Variants in OTUD1 observed in about 807,000 individuals in gnomAD.
OTUD1 encodes the protein OTU deubiquitinase 1.
A neutral mutation model predicts 30.0 loss-of-function variants in OTUD1; 15 were observed. The observed-to-expected ratio is 0.50, with a 90% CI of 0.33 to 0.77. The LOEUF (loss-of-function observed/expected upper bound fraction) is 0.77. Ranked by LOEUF, OTUD1 falls within the 30% of genes least tolerant of loss-of-function variation. OTUD1 has a pLI of 0.02. For missense variants in OTUD1, 796 were observed against 697.8 expected, an observed-to-expected ratio of 1.14 and a Z score of -1.59; for synonymous variants, 381 against 326.3, an observed-to-expected ratio of 1.17 and a Z score of -1.81.
chr10:23,440,723 T>A lies in OTUD1; in HGVS notation c.1266T>A (p.Ile422=). 6.4e-7 allele frequency: 1 copy of A among 1,552,010 alleles called. No homozygotes were observed. The highest frequency in any genetic ancestry group is 8.7e-7 in the Non-Finnish European group (1 of 1,147,070). Residue 422 remains isoleucine, a synonymous_variant, in exon 1 of 1, where the codon ATT becomes ATA. Coordinates refer to ENST00000376495, the MANE Select transcript of OTUD1 (RefSeq NM_001145373.3). ...CAGAGGATTCCCTGAGGCCTAGTAT[T>A]TGGCTCAGTTGGCTCAGTAACGGAC... ...LGPEDSLRPS[I]WLSWLSNGHY...
rs1847118919 is a variant in OTUD1, at chr10:23,440,769, C to T, written c.1312C>T (p.His438Tyr). 1 of 1,552,044 alleles carries T rather than the reference C, an allele frequency of 6.4e-7. No homozygotes were observed. Among genetic ancestry groups the T allele is most frequent in the African/African-American group, 1.4e-5 (1 of 73,052 alleles). ...SNGHYDAVFD[H>Y]SYPNPEYDNW... ...CGGACACTATGATGCTGTATTTGAT[C>T]ACTCCTATCCTAACCCAGAGTACGA... The change falls in exon 1 of 1, where the codon CAC (histidine) becomes TAC (tyrosine). Residue 438 changes from histidine to tyrosine, a missense_variant. Transcript: ENST00000376495.
rs1046671394 is a variant in OTUD1, at chr10:23,440,491, A to C, written c.1034A>C (p.His345Pro). The change falls in exon 1 of 1, where the codon CAC becomes CCC. Residue 345 changes from histidine to proline, a missense_variant. Physicochemically the swap from His to Pro is moderately conservative, Grantham distance 77. Coordinates refer to ENST00000376495, the MANE Select transcript of OTUD1 (RefSeq NM_001145373.3). ...LHRELREQTV[H>P]YIADHLDHFS... ...CGGGAGTTGAGGGAGCAGACGGTGC[A>C]CTACATCGCCGACCATCTCGACCAC... is the stretch of plus-strand genomic sequence containing the variant. The C allele has an allele frequency of 1.9e-6, 3 of 1,551,600 alleles. No homozygotes were observed. Among genetic ancestry groups the C allele is most frequent in the Admixed American group, 3.9e-5 (2 of 50,990 alleles).
At position 23,440,289 on chromosome 10, in the gene OTUD1, G is replaced by A. The variant is rs1221680271; in HGVS notation, c.832G>A (p.Val278Met). The A allele has an allele frequency of 1.5e-5, 23 of 1,550,344 alleles. No individual in the cohort carries two copies. Among genetic ancestry groups the A allele is most frequent in the Admixed American group, 3.9e-5 (2 of 51,008 alleles). The change falls in exon 1 of 1, where the codon GTG becomes ATG. Residue 278 changes from valine to methionine, a missense_variant. By Grantham distance (21) the Val-to-Met change is conservative. Transcript: ENST00000376495. ...EAAPSSAAEP[V>M]IVSRSDPRDE... ...CGCCCCGAGTAGTGCGGCGGAGCCG[G>A]TGATCGTCTCCAGGTCGGATCCCAG...
Position 23,440,975 on chromosome 10 carries a change from A to C in OTUD1, c.*72A>C. ...GTGTTTGGAGAATCACATGAACTTT[A>C]ATCAGGGTAATAGCACTTTCAAACT... On this transcript the variant is annotated 3_prime_UTR_variant, in exon 1 of 1. Transcript: ENST00000376495. 7.0e-7 allele frequency: 1 copy of C among 1,438,106 alleles called. No individual in the cohort carries two copies. Among genetic ancestry groups the C allele is most frequent in the African/African-American group, 1.4e-5 (1 of 70,166 alleles). 89.1% of individuals were successfully genotyped at this position (1,438,106 alleles called of 1,614,324 possible).
rs1031901622 is a variant in OTUD1 at position 23,439,387 on chromosome 10, C to A, written c.-71C>A. On this transcript the variant is annotated 5_prime_UTR_variant, in exon 1 of 1. Coordinates refer to ENST00000376495, the MANE Select transcript of OTUD1 (RefSeq NM_001145373.3). ...ACCGCGCTCCGCCGGCCCCCTCCCC[C>A]GGGCCCGGAGGGTGTGTCCCCCGCT... is the stretch of plus-strand genomic sequence containing the variant. The A allele has an allele frequency of 1.4e-5, 17 of 1,201,666 alleles. No homozygotes were observed. In the East Asian group the frequency reaches 6.0e-4, roughly 42 times the overall value. 74.4% of individuals were successfully genotyped at this position (1,201,666 alleles called of 1,614,324 possible).
rs1229868417 is a variant in OTUD1 at position 23,440,225 on chromosome 10, C to T, written c.768C>T (p.Asp256=). ...APGGDAARRP[D]PEAEAPPAGS... is the part of the protein sequence containing the mutation. ...GTGGGGACGCGGCGCGGAGGCCCGA[C>T]CCAGAGGCCGAGGCACCCCCCGCCG... Residue 256 remains aspartate (D), a synonymous_variant, in exon 1 of 1, where the codon GAC becomes GAT. Coordinates refer to ENST00000376495, the MANE Select transcript of OTUD1 (RefSeq NM_001145373.3). The T allele has an allele frequency of 2.0e-6, 3 of 1,531,960 alleles. No individual in the cohort carries two copies. The Admixed American group carries it at 6.0e-5, about 31-fold the overall frequency. 94.9% of individuals were successfully genotyped at this position (1,531,960 alleles called of 1,614,324 possible).
rs1847109290 is a variant in OTUD1 at position 23,439,983 on chromosome 10, T to A, written c.526T>A (p.Cys176Ser). The change falls in exon 1 of 1, where the codon TGC (cysteine) becomes AGC (serine). Residue 176 changes from cysteine (C) to serine (S), a missense_variant. Transcript: ENST00000376495. ...WLLEELLRPD[C>S]PEPAGLDATR... ...CCTGGAGGAGCTGCTGCGGCCCGACTGCCCCGAGCCCGCGGGCTTGGACGC... is the reference window on the plus strand; with the variant it reads ...CCTGGAGGAGCTGCTGCGGCCCGACAGCCCCGAGCCCGCGGGCTTGGACGC... 1.5e-6 allele frequency: 2 copies of A among 1,329,290 alleles called. No homozygotes were observed. Among genetic ancestry groups the A allele is most frequent in the Non-Finnish European group, 1.9e-6 (2 of 1,044,932 alleles). The allele number at this position is 1,329,290 out of a possible 1,614,324, so 82.3% of individuals were successfully genotyped here.
chr10:23,440,579 A>T lies in OTUD1; in HGVS notation c.1122A>T (p.Ala374=), dbSNP rs148315007. The T allele has an allele frequency of 2.5e-3, 3,848 of 1,551,678 alleles. 54 individuals are homozygous for T. The African/African-American group carries it at 0.035, about 14-fold the overall frequency. Residue 374 remains alanine (A), a synonymous_variant, in exon 1 of 1, where the codon GCA becomes GCT. Transcript: ENST00000376495. ...TCATCGCTGCTGCCCAAGACGGGGC[A>T]TGGGCCGGGTACCCGGAGTTGCTGG... ...EFIIAAAQDG[A]WAGYPELLAM... is the part of the protein sequence containing the mutation.
At position 23,440,956 on chromosome 10, in the gene OTUD1, G is replaced by A. The variant is rs554164665; in HGVS notation, c.*53G>A. ...ATAATTGCATATATAACTTGTGTTT[G>A]GAGAATCACATGAACTTTAATCAGG... On this transcript the variant is annotated 3_prime_UTR_variant, in exon 1 of 1. Transcript: ENST00000376495. The A allele has an allele frequency of 2.1e-5, 32 of 1,490,934 alleles. No individual in the cohort carries two copies. The South Asian group carries it at 3.8e-4, about 18-fold the overall frequency. 92.4% of individuals were successfully genotyped at this position (1,490,934 alleles called of 1,614,324 possible).
In OTUD1 at chr10:23,440,250, G is replaced by A. The variant is rs759980547; in HGVS notation, c.793G>A (p.Gly265Arg). Residue 265 changes from glycine to arginine, a missense_variant, in exon 1 of 1, where the codon GGG (glycine) becomes AGG (arginine). By Grantham distance (125) the Gly-to-Arg change is moderately radical. Coordinates refer to ENST00000376495, the MANE Select transcript of OTUD1 (RefSeq NM_001145373.3). ...CCCAGAGGCCGAGGCACCCCCCGCC[G>A]GGAGCATCGAGGCCGCCCCGAGTAG... ...PDPEAEAPPA[G>R]SIEAAPSSAA... 1.3e-5 allele frequency: 20 copies of A among 1,543,206 alleles called. No homozygotes were observed. The highest frequency in any genetic ancestry group is 1.7e-4 in the Middle Eastern group (1 of 5,912).
chr10:23,440,668 C>CG lies in OTUD1; in HGVS notation c.1213dup (p.Val405GlyfsTer17). 6.4e-7 allele frequency: 1 copy of CG among 1,551,810 alleles called. No homozygotes were observed. The highest frequency in any genetic ancestry group is 8.7e-7 in the Non-Finnish European group (1 of 1,147,030). On this transcript the variant is annotated frameshift_variant, in exon 1 of 1. Coordinates refer to ENST00000376495, the MANE Select transcript of OTUD1 (RefSeq NM_001145373.3). LOFTEE classifies it high-confidence loss of function. Reference sequence around the variant, plus strand: ...ACTGGAGGGAGGCTGGAGAGTCCCACGGTGTCTACCATGATTCATTATTTG... The same window carrying CG: ...ACTGGAGGGAGGCTGGAGAGTCCCACGGGTGTCTACCATGATTCATTATTTG...
chr10:23,440,624 T>G lies in OTUD1; in HGVS notation c.1167T>G (p.Asn389Lys), dbSNP rs1200778254. Residue 389 changes from asparagine to lysine, a missense_variant, in exon 1 of 1, where the codon AAT (asparagine) becomes AAG (lysine). Physicochemically the swap from Asn to Lys is moderately conservative, Grantham distance 94. Transcript: ENST00000376495. ...TGCTGGCCATGGGGCAGATGCTGAA[T>G]GTGAATATCCATTTAACTACTGGAG... ...PELLAMGQML[N>K]VNIHLTTGGR... 1 of 1,551,766 alleles carries G rather than the reference T, an allele frequency of 6.4e-7. No homozygotes were observed. Among genetic ancestry groups the G allele is most frequent in the Admixed American group, 2.0e-5 (1 of 51,012 alleles).
Position 23,439,821 on chromosome 10 carries a change from G to A in OTUD1, c.364G>A (p.Asp122Asn). Residue 122 changes from aspartate to asparagine, a missense_variant, in exon 1 of 1, where the codon GAC becomes AAC. Asp to Asn is a conservative substitution (Grantham distance 23). Coordinates refer to ENST00000376495, the MANE Select transcript of OTUD1 (RefSeq NM_001145373.3). ...GATCACCGTGCGGGCCCTGGGCGCC[G>A]ACAGGCTCCTGCTGCACGGGCCCGA... is the stretch of plus-strand genomic sequence containing the variant. ...AQITVRALGADRLLLHGPDPV... is the reference protein window; with the variant it reads ...AQITVRALGANRLLLHGPDPV... 1 of 1,122,286 alleles carries A rather than the reference G, an allele frequency of 8.9e-7. No individual in the cohort carries two copies. Among genetic ancestry groups the A allele is most frequent in the Non-Finnish European group, 1.1e-6 (1 of 921,594 alleles). 69.5% of individuals were successfully genotyped at this position (1,122,286 alleles called of 1,614,324 possible). A position where few individuals can be genotyped will look rare whatever the true frequency, so the allele number is the denominator to read the frequency against.
chr10:23,439,882 C>T lies in OTUD1; in HGVS notation c.425C>T (p.Pro142Leu), dbSNP rs1847107857. The T allele has an allele frequency of 1.7e-6, 2 of 1,164,546 alleles. No homozygotes were observed. Among genetic ancestry groups the T allele is most frequent in the Middle Eastern group, 3.5e-4 (1 of 2,850 alleles). The allele number at this position is 1,164,546 out of a possible 1,614,324, so 72.1% of individuals were successfully genotyped here. ...VPGAAGSAAAPRGRCLLLAPA... is the reference protein window; with the variant it reads ...VPGAAGSAAALRGRCLLLAPA... ...GGCGCCGCGGGCTCCGCCGCTGCCCCGCGCGGCCGCTGCCTCCTGCTCGCC... is the reference window on the plus strand; with the variant it reads ...GGCGCCGCGGGCTCCGCCGCTGCCCTGCGCGGCCGCTGCCTCCTGCTCGCC... The change falls in exon 1 of 1, where the codon CCG becomes CTG. Residue 142 changes from proline to leucine, a missense_variant. Pro to Leu is a moderately conservative substitution (Grantham distance 98). Transcript: ENST00000376495.
chr10:23,439,475 C>T lies in OTUD1; in HGVS notation c.18C>T (p.Ser6=). The T allele has an allele frequency of 7.3e-7, 1 of 1,368,160 alleles. No individual in the cohort carries two copies. The highest frequency in any genetic ancestry group is 3.2e-5 in the East Asian group (1 of 31,372). The allele number at this position is 1,368,160 out of a possible 1,614,324, so 84.8% of individuals were successfully genotyped here. The change falls in exon 1 of 1, where the codon AGC becomes AGT. Residue 6 remains serine (S), a synonymous_variant. Transcript: ENST00000376495. MQLYS[S]VCTHYPAGAP... ...GCAGGGACATGCAGCTCTACAGCAG[C>T]GTCTGCACCCACTACCCCGCCGGGG...
In OTUD1 at chr10:23,440,735, G is replaced by T; in HGVS notation, c.1278G>T (p.Trp426Cys). 1 of 1,552,042 alleles carries T rather than the reference G, an allele frequency of 6.4e-7. No homozygotes were observed. The highest frequency in any genetic ancestry group is 8.7e-7 in the Non-Finnish European group (1 of 1,147,078). Residue 426 changes from tryptophan (W) to cysteine (C), a missense_variant, in exon 1 of 1, where the codon TGG becomes TGT. Physicochemically the swap from Trp to Cys is radical, Grantham distance 215 (BLOSUM62 -2). Transcript: ENST00000376495. Reference protein sequence around the residue: ...DSLRPSIWLSWLSNGHYDAVF... With the variant: ...DSLRPSIWLSCLSNGHYDAVF... ...TGAGGCCTAGTATTTGGCTCAGTTG[G>T]CTCAGTAACGGACACTATGATGCTG...
Position 23,442,304 on chromosome 10 carries a change from T to G in OTUD1, c.*1401T>G, listed in dbSNP as rs926535709. 1 of 167,100 alleles carries G rather than the reference T, an allele frequency of 6.0e-6. No individual in the cohort carries two copies. The highest frequency in any genetic ancestry group is 6.5e-5 in the Admixed American group (1 of 15,288). 10.4% of individuals were successfully genotyped at this position (167,100 alleles called of 1,614,324 possible). On this transcript the variant is annotated 3_prime_UTR_variant, in exon 1 of 1. Transcript: ENST00000376495. Reference sequence around the variant, plus strand: ...AGCAATAGAGAGGTTTCCTAAATTATCACATGAAGAGGATAGGCTAATCAT... The same window carrying G: ...AGCAATAGAGAGGTTTCCTAAATTAGCACATGAAGAGGATAGGCTAATCAT...
rs1847096324 is a variant in OTUD1 at position 23,439,123 on chromosome 10, G to T, written c.-335G>T. ...TCGCCGGCGGGACGCGCTCCAACGG[G>T]GCGGGCGGCTTCCTCCGTGAGTCCC... On this transcript the variant is annotated 5_prime_UTR_variant, in exon 1 of 1. Transcript: ENST00000376495. 6.6e-6 allele frequency among the ~76,000 whole-genome samples: 1 copy of T among 150,854 alleles called. No individual in the cohort carries two copies. Among genetic ancestry groups the T allele is most frequent in the African/African-American group, 2.4e-5 (1 of 41,294 alleles).
Position 23,441,031 on chromosome 10 carries a change from C to T in OTUD1, c.*128C>T, listed in dbSNP as rs1190905110. The T allele has an allele frequency of 1.0e-6, 1 of 992,938 alleles. No individual in the cohort carries two copies. The highest frequency in any genetic ancestry group is 1.5e-6 in the Non-Finnish European group (1 of 684,762). The allele number at this position is 992,938 out of a possible 1,614,324, so 61.5% of individuals were successfully genotyped here. On this transcript the variant is annotated 3_prime_UTR_variant, in exon 1 of 1. Coordinates refer to ENST00000376495, the MANE Select transcript of OTUD1 (RefSeq NM_001145373.3). ...GTAGATTTTACTGTAGGTGTAATGCCTTAATCATCTTTTTGAATGTTTTCT... is the reference window on the plus strand; with the variant it reads ...GTAGATTTTACTGTAGGTGTAATGCTTTAATCATCTTTTTGAATGTTTTCT...
Sources: gnomAD v4.1 joint callset for allele counts (sites outside exome capture counted in the v4.1 genomes callset) on GRCh38, gnomAD v4.1.1 for gene constraint, MANE v1.5 for transcripts, NCBI Gene and HGNC (gene_info 2026-07-23, HGNC 2026-07-21) for gene names.